The following LRMDA variants were observed in gnomAD, a reference collection of about 807,000 sequenced individuals.
LRMDA encodes leucine rich melanocyte differentiation associated.
LRMDA carries 18 observed loss-of-function variants against 29.8 expected under a neutral mutation model. The observed-to-expected ratio is 0.60, with a 90% CI of 0.42 to 0.90. The LOEUF is 0.90. LRMDA is among the 40% of genes least tolerant of loss of function. The pLI is 0.00. For synonymous variants in LRMDA, 125 were observed against 109.4 expected, an observed-to-expected ratio of 1.14 and a Z score of -0.89; for missense variants, 273 against 273.9, an observed-to-expected ratio of 1.00 and a Z score of 0.02.
rs79481068 is a variant in LRMDA, at chr10:76,169,652, C to T, written c.516+110869C>T. On this transcript the variant is annotated intron_variant, in intron 5 of 6. Coordinates refer to ENST00000611255, the MANE Select transcript of LRMDA (RefSeq NM_001305581.2). ...TCTGTAATAAGCCCATAGTGGAGGCCTAATGACAGTCAGAATATTTTCTGG... is the reference window on the plus strand; with the variant it reads ...TCTGTAATAAGCCCATAGTGGAGGCTTAATGACAGTCAGAATATTTTCTGG... Among the ~76,000 whole-genome samples, 486 of 152,186 alleles carry T rather than the reference C, an allele frequency of 3.2e-3. 5 individuals carry two copies. The highest frequency in any genetic ancestry group is 0.011 in the African/African-American group (472 of 41,522).
At chr10:76,091,621 G>A (rs568383926) in intron 5 of LRMDA, among the ~76,000 whole-genome samples, 1 of 152,028 alleles carries the variant, frequency 6.6e-6, no homozygotes, top group South Asian at 2.1e-4. Context: ...CCCACCCCAG[G>A]ATCTGCCTCC....
intron 5 of LRMDA, among the ~76,000 whole-genome samples, chr10:76,089,090 A>G (rs1166435483): frequency 2.6e-5 from 4 of 152,236 alleles, no homozygotes; most frequent in Non-Finnish European, 5.9e-5. Context: ...GGATTGTAGC[A>G]GAACCAAATT....
At chr10:76,052,901 G>A (rs1462974960) in intron 4 of LRMDA, among the ~76,000 whole-genome samples, 1 of 151,914 alleles carries the variant, frequency 6.6e-6, no homozygotes, top group South Asian at 2.1e-4. Flanking sequence ...AATTGGAGTT[G>A]CCCTCTGGAG....
chr10:75,662,556 C>T (rs1286954737), intron 2 of LRMDA, among the ~76,000 whole-genome samples: 6 of 152,124 alleles, frequency 3.9e-5, no homozygotes, highest in Non-Finnish European at 8.8e-5. Context: ...TTTATCATCC[C>T]ACATGCAAAA....
chr10:75,467,787 C>T (rs374110905), intron 2 of LRMDA, among the ~76,000 whole-genome samples: 1 of 152,018 alleles, frequency 6.6e-6, no homozygotes, highest in East Asian at 1.9e-4. Flanking sequence ...ATGGTGAAAC[C>T]CCATCTCTAC....
chr10:75,777,974 C>T lies in LRMDA; in HGVS notation c.132-258034C>T, dbSNP rs534052013. On this transcript the variant is annotated intron_variant, in intron 2 of 6. Transcript: ENST00000611255. The stretch of plus-strand genomic sequence containing the variant: ...AATTATAAGAGTAAGTTTAACTGGC[C>T]CAGCAGGGGAGGGAACAGTAAACAC... 9.7e-4 allele frequency among the ~76,000 whole-genome samples: 148 copies of T among 152,054 alleles called. 1 individual carries two copies. The highest frequency in any genetic ancestry group is 1.6e-3 in the Non-Finnish European group (110 of 67,968).
intron 2 of LRMDA, among the ~76,000 whole-genome samples, chr10:75,680,492 CAT>C (rs775225050): frequency 2.7e-5 from 4 of 150,290 alleles, no homozygotes; most frequent in Admixed American, 6.6e-5. Flanking sequence ...CTTTACTTTT[CAT>C]ATATATATAT....
chr10:76,374,331 G>A (rs550905966), intron 6 of LRMDA, among the ~76,000 whole-genome samples: 1 of 152,300 alleles, frequency 6.6e-6, no homozygotes, highest in Admixed American at 6.5e-5. Flanking sequence ...TGAAAATGAA[G>A]ATGATTATTA....
At chr10:75,706,083 C>G (rs991263239) in intron 2 of LRMDA, among the ~76,000 whole-genome samples, 1 of 152,122 alleles carries the variant, frequency 6.6e-6, no homozygotes, top group Non-Finnish European at 1.5e-5. Flanking sequence ...CCTTTTTCAC[C>G]TGACAGGAGA....
chr10:76,036,857 G>A (rs763005853), intron 3 of LRMDA, among the ~76,000 whole-genome samples: 6 of 152,156 alleles, frequency 3.9e-5, no homozygotes, highest in Non-Finnish European at 7.4e-5. Flanking sequence ...TGCATTGTTA[G>A]TGTAGTGGAT....
At chr10:75,561,765 T>C (rs1250543918) in intron 2 of LRMDA, among the ~76,000 whole-genome samples, 1 of 152,116 alleles carries the variant, frequency 6.6e-6, no homozygotes, top group Non-Finnish European at 1.5e-5. Flanking sequence ...AACATCTTTA[T>C]TTCTGCCTTC....
intron 2 of LRMDA, among the ~76,000 whole-genome samples, chr10:75,445,838 A>G (rs1055740214): frequency 1.3e-5 from 2 of 152,266 alleles, no homozygotes; most frequent in Middle Eastern, 3.2e-3. Flanking sequence ...GGCAACAGGA[A>G]GCTTATGTTT....
chr10:75,822,343 T>C (rs1488361824), intron 2 of LRMDA, among the ~76,000 whole-genome samples: 1 of 152,138 alleles, frequency 6.6e-6, no homozygotes, highest in African/African-American at 2.4e-5. Flanking sequence ...AAACATCTTG[T>C]GCTCCTGGAA....
chr10:75,952,002 C>T (rs555988991), intron 2 of LRMDA, among the ~76,000 whole-genome samples: 1 of 152,262 alleles, frequency 6.6e-6, no homozygotes, highest in Admixed American at 6.5e-5. Context: ...ATGTCCATGG[C>T]TCAAATCTAA....
At chr10:75,721,210 A>G (rs1447456567) in intron 2 of LRMDA, among the ~76,000 whole-genome samples, 1 of 152,152 alleles carries the variant, frequency 6.6e-6, no homozygotes, top group Non-Finnish European at 1.5e-5. Context: ...GGGAATTGTC[A>G]TCTAGTGCCC....
intron 5 of LRMDA, among the ~76,000 whole-genome samples, chr10:76,309,628 C>T (rs538128943): frequency 6.6e-6 from 1 of 152,226 alleles, no homozygotes; most frequent in East Asian, 1.9e-4. Context: ...AAGTTTTGCC[C>T]AGATTTCACA....
chr10:75,707,746 T>C (rs2132174546), intron 2 of LRMDA, among the ~76,000 whole-genome samples: 1 of 152,294 alleles, frequency 6.6e-6, no homozygotes, highest in South Asian at 2.1e-4. Context: ...GGCCGTGTTG[T>C]TTGGGTCCTT....
chr10:76,264,407 A>C (rs1164313693), intron 5 of LRMDA, among the ~76,000 whole-genome samples: 2 of 4,912 alleles, frequency 4.1e-4, no homozygotes, highest in African/African-American at 1.7e-3. Context: ...ACTCTGTCTC[A>C]AAAAAAAAAA....
intron 2 of LRMDA, among the ~76,000 whole-genome samples, chr10:75,623,387 G>A (rs971678923): frequency 6.6e-6 from 1 of 152,122 alleles, no homozygotes; most frequent in African/African-American, 2.4e-5. Context: ...GTTCAAAGCT[G>A]TAAGAATATT....
Sources: gnomAD v4.1 joint callset for allele counts (sites outside exome capture counted in the v4.1 genomes callset) on GRCh38, gnomAD v4.1.1 for gene constraint, MANE v1.5 for transcripts, NCBI Gene and HGNC (gene_info 2026-07-23, HGNC 2026-07-21) for gene names.